The following NFIA variants were observed in gnomAD, a reference collection of about 807,000 sequenced individuals.
NFIA encodes the protein nuclear factor I A.
Under a neutral mutation model 62.8 loss-of-function variants are expected in NFIA, and 8 were observed. The ratio of observed to expected loss-of-function variants is 0.13; its 90% CI spans 0.07 to 0.23. The LOEUF (loss-of-function observed/expected upper bound fraction) is 0.23, where lower values mean the gene tolerates loss of function less well. Ranked by LOEUF, NFIA falls within the 10% of genes least tolerant of loss-of-function variation. The pLI is 1.00. For synonymous variants in NFIA, 235 were observed against 238.1 expected (o/e 0.99, Z 0.12); for missense variants, 410 against 642.1 (o/e 0.64, Z 3.91).
At chr1:61,211,111 T>C in intron 2 of NFIA, among the ~76,000 whole-genome samples, 1 of 152,188 alleles carries the variant, frequency 6.6e-6, no homozygotes, top group Middle Eastern at 3.2e-3. Context: ...CTTTTCTGGT[T>C]GAGTGAACTG....
At chr1:61,188,301 A>C (rs903261214) in intron 2 of NFIA, among the ~76,000 whole-genome samples, 1 of 152,178 alleles carries the variant, frequency 6.6e-6, no homozygotes, top group African/African-American at 2.4e-5. Flanking sequence ...TCAGAGAAGG[A>C]AGAACATGAT....
At chr1:61,082,017 C>G, upstream of NFIA, 1 of 1,549,606 alleles carries the variant, frequency 6.5e-7, no homozygotes, top group African/African-American at 1.4e-5. Flanking sequence ...TGCGGGGCAA[C>G]CTGGCAAAGT....
At chr1:61,233,253 C>T (rs913999182) in intron 2 of NFIA, among the ~76,000 whole-genome samples, 5 of 152,192 alleles carry the variant, frequency 3.3e-5, no homozygotes, top group Admixed American at 1.3e-4. Flanking sequence ...ACAAAAATCA[C>T]TTGGAAAGAA....
intron 7 of NFIA, among the ~76,000 whole-genome samples, chr1:61,398,295 A>G (rs564840427): frequency 5.3e-5 from 8 of 152,326 alleles, no homozygotes; most frequent in African/African-American, 1.9e-4. Flanking sequence ...TGGTCTAGTC[A>G]GGGCCTTGAG....
intron 2 of NFIA, among the ~76,000 whole-genome samples, chr1:61,135,474 A>G (rs534901060): frequency 6.6e-6 from 1 of 152,164 alleles, no homozygotes; most frequent in African/African-American, 2.4e-5. Context: ...TGGCGCAGTC[A>G]TGGCTCACTG....
chr1:61,332,300 G>A (rs144491458), intron 3 of NFIA, among the ~76,000 whole-genome samples: 1 of 152,092 alleles, frequency 6.6e-6, no homozygotes, highest in East Asian at 1.9e-4. Context: ...TCAGCTAGTT[G>A]TTGTACCATA....
At chr1:61,440,770 A>G (rs1667538828) in intron 10 of NFIA, among the ~76,000 whole-genome samples, 1 of 151,230 alleles carries the variant, frequency 6.6e-6, no homozygotes, top group Non-Finnish European at 1.5e-5. Context: ...TTGGATTTTT[A>G]TGAAGAGGGA....
intron 5 of NFIA, among the ~76,000 whole-genome samples, chr1:61,355,740 G>A (rs889138358): frequency 1.1e-4 from 16 of 151,534 alleles, no homozygotes; most frequent in Admixed American, 2.0e-4. Context: ...GCCACCACAC[G>A]CGGCTGATTT....
intron 3 of NFIA, among the ~76,000 whole-genome samples, chr1:61,328,832 C>T (rs1480731616): frequency 6.7e-6 from 1 of 149,960 alleles, no homozygotes; most frequent in Non-Finnish European, 1.5e-5. Flanking sequence ...AAATGATTCT[C>T]CTGCCTCAGC....
intron 2 of NFIA, among the ~76,000 whole-genome samples, chr1:61,174,531 C>A (rs905846790): frequency 3.3e-5 from 5 of 152,202 alleles, no homozygotes; most frequent in Non-Finnish European, 7.3e-5. Flanking sequence ...CTGGTCTCAT[C>A]TGGCATTGGA....
intron 2 of NFIA, among the ~76,000 whole-genome samples, chr1:61,139,668 A>G (rs1647351375): frequency 6.6e-6 from 1 of 152,126 alleles, no homozygotes; most frequent in African/African-American, 2.4e-5. Context: ...GAACATGTAC[A>G]GTTATTGGGA....
At chr1:61,084,119 T>C (rs1368772300) in intron 1 of NFIA, among the ~76,000 whole-genome samples, 1 of 152,198 alleles carries the variant, frequency 6.6e-6, no homozygotes, top group Non-Finnish European at 1.5e-5. Flanking sequence ...ATGCTTCACA[T>C]AAAATGTTTA....
intron 4 of NFIA, among the ~76,000 whole-genome samples, chr1:61,335,010 A>G (rs541182377): frequency 3.3e-4 from 50 of 152,318 alleles, no homozygotes; most frequent in African/African-American, 9.4e-4. Flanking sequence ...ATTATGGCTG[A>G]ACAGGGATTG....
At position 61,461,606 on chromosome 1, in the gene NFIA, G is replaced by C. The variant is rs1178511812; in HGVS notation, c.*6286G>C. On this transcript the variant is annotated 3_prime_UTR_variant, in exon 11 of 11. Coordinates refer to ENST00000403491, the MANE Select transcript of NFIA (RefSeq NM_001134673.4). Reference sequence around the variant, plus strand: ...GCGGAAATGCTTAGAAAGATAAGGGGGACCACCCACAGCTGGTCGTGAGAA... The same window carrying C: ...GCGGAAATGCTTAGAAAGATAAGGGCGACCACCCACAGCTGGTCGTGAGAA... The C allele has an allele frequency of 2.0e-5, 3 of 152,156 alleles. No homozygotes were observed. 9.4% of individuals were successfully genotyped at this position (152,156 alleles called of 1,614,324 possible).
chr1:61,256,572 GTGT>G (rs1243954708), intron 2 of NFIA, among the ~76,000 whole-genome samples: 1 of 152,106 alleles, frequency 6.6e-6, no homozygotes, highest in Non-Finnish European at 1.5e-5. Context: ...TAGTCCCTAA[GTGT>G]TGTTCATTTT....
At chr1:61,236,491 AC>A (rs1655022760) in intron 2 of NFIA, among the ~76,000 whole-genome samples, 1 of 152,172 alleles carries the variant, frequency 6.6e-6, no homozygotes, top group African/African-American at 2.4e-5. Context: ...CCAAATCATG[AC>A]CCTTACCTAC....
intron 2 of NFIA, among the ~76,000 whole-genome samples, chr1:61,262,072 A>G (rs950506763): frequency 6.6e-6 from 1 of 152,102 alleles, no homozygotes; most frequent in Non-Finnish European, 1.5e-5. Flanking sequence ...TTCTGCATGA[A>G]TTTCTTCTCT....
chr1:61,118,191 CAAA>C (rs10719154), intron 2 of NFIA, among the ~76,000 whole-genome samples: 6 of 131,240 alleles, frequency 4.6e-5, no homozygotes, highest in Non-Finnish European at 1.6e-5. Context: ...TCTCAAAGAA[CAAA>C]AAAAAAAAAA....
intron 2 of NFIA, among the ~76,000 whole-genome samples, chr1:61,177,687 T>TGTGTG (rs1320614818): frequency 8.0e-6 from 1 of 124,506 alleles, no homozygotes; most frequent in African/African-American, 2.9e-5. Flanking sequence ...GTGTGTGTGT[T>TGTGTG]GGAATACCAT....
Sources: gnomAD v4.1 joint callset for allele counts (sites outside exome capture counted in the v4.1 genomes callset) on GRCh38, gnomAD v4.1.1 for gene constraint, MANE v1.5 for transcripts, NCBI Gene and HGNC (gene_info 2026-07-23, HGNC 2026-07-21) for gene names.